Variants in MAP3K13 observed in about 807,000 individuals in gnomAD.
MAP3K13 encodes leucine zipper-bearing kinase.
MAP3K13 carries 52 observed loss-of-function variants against 104.0 expected under a neutral mutation model. The ratio of observed to expected loss-of-function variants is 0.50; its 90% CI spans 0.40 to 0.63. The LOEUF (loss-of-function observed/expected upper bound fraction) is 0.63, where lower values mean the gene tolerates loss of function less well. MAP3K13 is among the 20% of genes least tolerant of loss of function. MAP3K13 has a pLI of 0.00. For synonymous variants in MAP3K13, 394 were observed against 442.2 expected, an observed-to-expected ratio of 0.89 and a Z score of 1.37; for missense variants, 914 against 1,218.5, an observed-to-expected ratio of 0.75 and a Z score of 3.72.
In MAP3K13 at chr3:185,418,312, T is replaced by C. The variant is rs1347299758; in HGVS notation, c.-85-10185T>C. 13 of 1,583,220 alleles carry C rather than the reference T, an allele frequency of 8.2e-6. No homozygotes were observed. The highest frequency in any genetic ancestry group is 2.7e-5 in the African/African-American group (2 of 74,200). On this transcript the variant is annotated intron_variant, in intron 1 of 13. Transcript: ENST00000265026. This position sits in a 1 kb window ranked among gnomAD's most constrained non-coding sequence, Gnocchi z 4.5. The stretch of plus-strand genomic sequence containing the variant: ...GGTCTTCTTGTAGCCTTCAACTTTA[T>C]CTTCAAATACCAAAGGAAGTTCAGG...
intron 1 of MAP3K13, among the ~76,000 whole-genome samples, chr3:185,399,154 G>A (rs538306171): frequency 6.6e-6 from 1 of 152,234 alleles, no homozygotes; most frequent in African/African-American, 2.4e-5. Context: ...TTGAGGAAAG[G>A]ATAGGAGGAG....
chr3:185,462,108 T>A (rs1717141381), intron 7 of MAP3K13, among the ~76,000 whole-genome samples: 1 of 152,116 alleles, frequency 6.6e-6, no homozygotes, highest in South Asian at 2.1e-4. Flanking sequence ...ATACATTTAG[T>A]TACAAATCTA....
chr3:185,351,369 T>G (rs578208323), intron 2 of MAP3K13, among the ~76,000 whole-genome samples: 3 of 152,346 alleles, frequency 2.0e-5, no homozygotes, highest in African/African-American at 7.2e-5. Flanking sequence ...TAAAATGTGA[T>G]TTTAAAAATC....
At chr3:185,441,758 G>A (rs1446690560) in intron 3 of MAP3K13, among the ~76,000 whole-genome samples, 2 of 151,664 alleles carry the variant, frequency 1.3e-5, no homozygotes, top group African/African-American at 2.4e-5. Context: ...AAAAAAATTG[G>A]TGGCCAGGAG....
chr3:185,285,972 G>A (rs1720495033), intron 2 of MAP3K13, among the ~76,000 whole-genome samples: 1 of 152,028 alleles, frequency 6.6e-6, no homozygotes, highest in Non-Finnish European at 1.5e-5. Context: ...GTAGAAATGA[G>A]GCCTCAAATA....
chr3:185,449,675 C>T (rs1715779345), intron 5 of MAP3K13, among the ~76,000 whole-genome samples: 1 of 151,328 alleles, frequency 6.6e-6, no homozygotes, highest in African/African-American at 2.4e-5. Flanking sequence ...TCTGTTCACA[C>T]ACGGGAGTTA....
chr3:185,340,774 G>A (rs2108719543), intron 2 of MAP3K13, among the ~76,000 whole-genome samples: 1 of 152,236 alleles, frequency 6.6e-6, no homozygotes, highest in South Asian at 2.1e-4. Context: ...TAAGGGTCTG[G>A]CATTTCCCCT....
In MAP3K13 at chr3:185,473,842, C is replaced by A. The variant is rs1717956602; in HGVS notation, c.2430+81C>A. On this transcript the variant is annotated intron_variant, in intron 11 of 13. Transcript: ENST00000265026. This position sits in a 1 kb window ranked among gnomAD's most constrained non-coding sequence, Gnocchi z 4.9. ...CTGTCATGTTATACACATTAGAGAG[C>A]ATATGTAAAAAGTATACATTTTGTA... 7.4e-7 allele frequency: 1 copy of A among 1,359,670 alleles called. No individual in the cohort carries two copies. The highest frequency in any genetic ancestry group is 1.0e-6 in the Non-Finnish European group (1 of 1,003,050). The allele number at this position is 1,359,670 out of a possible 1,614,324, so 84.2% of individuals were successfully genotyped here.
At position 185,466,975 on chromosome 3, in the gene MAP3K13, G is replaced by A. The variant is rs1717476889; in HGVS notation, c.1643+12G>A. 1 of 1,613,752 alleles carries A rather than the reference G, an allele frequency of 6.2e-7. No individual in the cohort carries two copies. ...ATGCAGACCAAACGGTGAGACACCT[G>A]TACAAACGCAGTATTCAGATAAATA... On this transcript the variant is annotated intron_variant, in intron 10 of 13. Coordinates refer to ENST00000265026, the MANE Select transcript of MAP3K13 (RefSeq NM_004721.5).
chr3:185,442,597 G>A (rs1715387125), intron 3 of MAP3K13, among the ~76,000 whole-genome samples: 1 of 149,486 alleles, frequency 6.7e-6, no homozygotes, highest in Non-Finnish European at 1.5e-5. Flanking sequence ...GCAGTGGCAC[G>A]ATCTTGGCTC....
At chr3:185,323,020 A>T (rs1721919059) in intron 2 of MAP3K13, among the ~76,000 whole-genome samples, 1 of 152,078 alleles carries the variant, frequency 6.6e-6, no homozygotes, top group Admixed American at 6.6e-5. Flanking sequence ...TGTTCTAATA[A>T]TTTTTAAAAT....
intron 10 of MAP3K13, among the ~76,000 whole-genome samples, chr3:185,470,313 C>T (rs1006672377): frequency 2.6e-5 from 4 of 152,166 alleles, no homozygotes; most frequent in African/African-American, 9.7e-5. Flanking sequence ...TGAATCAGTT[C>T]ATCAGTTTAG....
chr3:185,351,166 A>T (rs1723126924), intron 2 of MAP3K13, among the ~76,000 whole-genome samples: 1 of 152,172 alleles, frequency 6.6e-6, no homozygotes, highest in African/African-American at 2.4e-5. Flanking sequence ...CATTGAGTAC[A>T]CATGGACAAT....
At chr3:185,466,190 G>A (rs901527615) in intron 9 of MAP3K13, among the ~76,000 whole-genome samples, 2 of 152,166 alleles carry the variant, frequency 1.3e-5, no homozygotes, top group African/African-American at 4.8e-5. Flanking sequence ...TGAAAGTGGT[G>A]TAAGGTACTC....
chr3:185,463,575 A>G lies in MAP3K13; in HGVS notation c.1304A>G (p.Lys435Arg), dbSNP rs758526969. Residue 435 changes from lysine to arginine, a missense_variant, in exon 8 of 14, where the codon AAA becomes AGA. Coordinates refer to ENST00000265026, the MANE Select transcript of MAP3K13 (RefSeq NM_004721.5). ...GCTGAATGGAGAGAAGAAGTGAAAA[A>G]ACATTTTGAGAAGATCAAAAGTGAA... is the stretch of plus-strand genomic sequence containing the variant. ...SQAEWREEVK[K>R]HFEKIKSEGT... 6.2e-7 allele frequency: 1 copy of G among 1,610,270 alleles called. No individual in the cohort carries two copies. Among genetic ancestry groups the G allele is most frequent in the Non-Finnish European group, 8.5e-7 (1 of 1,176,868 alleles).
Position 185,482,927 on chromosome 3 carries a change from C to G in MAP3K13, c.*471C>G, listed in dbSNP as rs1165699411. 4.3e-6 allele frequency: 1 copy of G among 233,226 alleles called. No homozygotes were observed. The highest frequency in any genetic ancestry group is 6.1e-5 in the East Asian group (1 of 16,420). 14.4% of individuals were successfully genotyped at this position (233,226 alleles called of 1,614,324 possible). A position where few individuals can be genotyped will look rare whatever the true frequency, so the allele number is the denominator to read the frequency against. ...TATTATTGCTGCTTGAACAGGGGACCAGGTCTTTTGGCCATAAGTGACTAA... is the reference window on the plus strand; with the variant it reads ...TATTATTGCTGCTTGAACAGGGGACGAGGTCTTTTGGCCATAAGTGACTAA... On this transcript the variant is annotated 3_prime_UTR_variant, in exon 14 of 14. Transcript: ENST00000265026. The surrounding 1 kb of genome is among the most constrained non-coding windows in gnomAD (Gnocchi z 4.5).
At chr3:185,425,921 A>G (rs1291948855) in intron 1 of MAP3K13, among the ~76,000 whole-genome samples, 1 of 152,172 alleles carries the variant, frequency 6.6e-6, no homozygotes. Flanking sequence ...GCCGTTATCT[A>G]TCGGTCTTTC....
chr3:185,329,061 C>A, intron 2 of MAP3K13: 1 of 502,652 alleles, frequency 2.0e-6, no homozygotes. Flanking sequence ...TTCTACCTGG[C>A]TCTAAATCTT....
At chr3:185,349,130 T>C (rs1265639375) in intron 2 of MAP3K13, among the ~76,000 whole-genome samples, 1 of 152,040 alleles carries the variant, frequency 6.6e-6, no homozygotes, top group Non-Finnish European at 1.5e-5. Flanking sequence ...CTTATTCTTT[T>C]TTTTTTTTAA....
Sources: gnomAD v4.1 joint callset for allele counts (sites outside exome capture counted in the v4.1 genomes callset) on GRCh38, gnomAD v4.1.1 for gene constraint, Gnocchi (gnomAD v3.1) non-coding constraint, MANE v1.5 for transcripts, NCBI Gene and HGNC (gene_info 2026-07-23, HGNC 2026-07-21) for gene names.